MTCH2: variants seen among roughly 807,000 people sequenced by gnomAD.
MTCH2 encodes the protein mitochondrial carrier 2.
In MTCH2, 25 loss-of-function variants were observed where a neutral mutation model predicts 50.6. The observed-to-expected ratio is 0.49, with a 90% CI of 0.36 to 0.69. MTCH2 has a LOEUF of 0.69. Ranked by LOEUF, MTCH2 falls within the 30% of genes least tolerant of loss-of-function variation. MTCH2 has a pLI of 0.00. For synonymous variants in MTCH2, 106 were observed against 132.0 expected (o/e 0.80, Z 1.35); for missense variants, 273 against 384.4 (o/e 0.71, Z 2.42).
intron 5 of MTCH2, among the ~76,000 whole-genome samples, chr11:47,633,453 A>G (rs1366743686): frequency 7.1e-6 from 1 of 141,244 alleles, no homozygotes; most frequent in African/African-American, 2.6e-5. Flanking sequence ...AAATTTACAG[A>G]AAATAGAGCT....
At chr11:47,640,072 T>C (rs1177297214) in intron 1 of MTCH2, among the ~76,000 whole-genome samples, 3 of 152,010 alleles carry the variant, frequency 2.0e-5, no homozygotes, top group African/African-American at 7.2e-5. Flanking sequence ...CTCATGCATG[T>C]AATCCCAGCA....
At chr11:47,638,266 A>G (rs2097310431) in intron 3 of MTCH2, among the ~76,000 whole-genome samples, 1 of 149,564 alleles carries the variant, frequency 6.7e-6, no homozygotes. Context: ...AACAGCAACA[A>G]TTTCACTGAG....
rs1427669263 is a variant in MTCH2 at position 47,633,279 on chromosome 11, T to C, written c.369+1393A>G. On this transcript the variant is annotated intron_variant, in intron 5 of 12. Transcript: ENST00000302503. ...CGCCTGCCACCATGCCCAGCTAATT[T>C]TTTTGTATTTTTCGTAGAGACGGGG... 1.3e-4 allele frequency among the ~76,000 whole-genome samples: 19 copies of C among 148,424 alleles called. No homozygotes were observed. In the Admixed American group the frequency reaches 1.3e-3, roughly 10 times the overall value.
intron 8 of MTCH2, 86 bp from the exon 9 acceptor site, chr11:47,629,132 T>C (rs529990280): frequency 8.7e-7 from 1 of 1,149,664 alleles, no homozygotes; most frequent in African/African-American, 1.5e-5. Context: ...TGTCAAATAA[T>C]TAGAGGTCAC....
the MTCH2 span, among the ~76,000 whole-genome samples, chr11:47,604,332 A>C: frequency 6.6e-6 from 1 of 152,098 alleles, no homozygotes; most frequent in Non-Finnish European, 1.5e-5. Flanking sequence ...TTTACCTCTC[A>C]AACTGTCAAA....
chr11:47,611,758 T>C, the MTCH2 span, among the ~76,000 whole-genome samples: 1 of 152,228 alleles, frequency 6.6e-6, no homozygotes, highest in South Asian at 2.1e-4. Flanking sequence ...TATTGTGGTA[T>C]GGTACTGATC....
chr11:47,616,911 C>T (rs1275578458), downstream of MTCH2, among the ~76,000 whole-genome samples: 5 of 151,364 alleles, frequency 3.3e-5, no homozygotes, highest in Admixed American at 6.6e-5. Flanking sequence ...CTCGAATTCT[C>T]GACCTCAGGT....
chr11:47,632,439 C>T (rs1042001369), intron 5 of MTCH2, among the ~76,000 whole-genome samples: 64 of 151,688 alleles, frequency 4.2e-4, no homozygotes, highest in Non-Finnish European at 8.4e-4. Context: ...CTGCAAGCTC[C>T]GCCTCCCGGG....
chr11:47,620,343 C>T (rs1293201913), intron 12 of MTCH2, among the ~76,000 whole-genome samples: 1 of 151,842 alleles, frequency 6.6e-6, no homozygotes, highest in African/African-American at 2.4e-5. Flanking sequence ...GCGGTATGTG[C>T]CTGTAGTCCA....
In MTCH2 at chr11:47,620,563, A is replaced by AG. The variant is rs545526838; in HGVS notation, c.826-1645dup. On this transcript the variant is annotated intron_variant, in intron 12 of 12. Transcript: ENST00000302503. The stretch of plus-strand genomic sequence containing the variant: ...TAGCTACTTGGGAGGCTGAGGTAGG[A>AG]GGATTGCTTTACCCCAGGAGTTTGA... 1.9e-3 allele frequency among the ~76,000 whole-genome samples: 289 copies of AG among 152,262 alleles called. 1 individual carries two copies. Among genetic ancestry groups the AG allele is most frequent in the Middle Eastern group, 0.014 (4 of 294 alleles).
intron 5 of MTCH2, 66 bp from the exon 6 acceptor site, chr11:47,631,777 A>C: frequency 6.5e-7 from 1 of 1,533,720 alleles, no homozygotes; most frequent in Non-Finnish European, 9.0e-7. Context: ...GTGAGAAGGA[A>C]TGTGGGTGGA....
At chr11:47,627,538 C>T (rs186435392) in intron 9 of MTCH2, among the ~76,000 whole-genome samples, 13 of 152,192 alleles carry the variant, frequency 8.5e-5, no homozygotes, top group African/African-American at 1.7e-4. Context: ...CCTCCTGAGT[C>T]GCTGGAATCA....
At chr11:47,635,688 TG>T (rs1464868681) in intron 3 of MTCH2, 117 bp from the exon 4 acceptor site, 265 of 1,017,064 alleles carry the variant, frequency 2.6e-4, no homozygotes, top group South Asian at 4.8e-4. Flanking sequence ...TTAAAGTTTT[TG>T]TTTTTTTTTT....
chr11:47,628,165 G>A (rs915989539), intron 9 of MTCH2, among the ~76,000 whole-genome samples: 7 of 152,170 alleles, frequency 4.6e-5, no homozygotes, highest in African/African-American at 1.7e-4. Flanking sequence ...TGGAGCTGCC[G>A]ACATACAAGA....
At chr11:47,640,694 G>A (rs1282436956) in intron 1 of MTCH2, among the ~76,000 whole-genome samples, 1 of 152,152 alleles carries the variant, frequency 6.6e-6, no homozygotes, top group Admixed American at 6.6e-5. Flanking sequence ...GGGATTTACA[G>A]GCGTGAGCCA....
intron 2 of MTCH2, 50 bp from the exon 3 acceptor site, chr11:47,638,855 A>C (rs2097311376): frequency 1.3e-6 from 2 of 1,558,946 alleles, no homozygotes; most frequent in Non-Finnish European, 1.7e-6. Context: ...AGAGAAATGG[A>C]TATACTACAA....
intron 12 of MTCH2, 40 bp from the exon 13 acceptor site, chr11:47,618,959 C>A (rs184913099): frequency 2.0e-6 from 3 of 1,524,264 alleles, no homozygotes; most frequent in African/African-American, 1.5e-5. Flanking sequence ...TAATATCTAG[C>A]GAGATGAGAT....
intron 3 of MTCH2, 57 bp from the exon 4 acceptor site, chr11:47,635,628 A>C (rs991078912): frequency 1.3e-6 from 2 of 1,525,364 alleles, no homozygotes; most frequent in Non-Finnish European, 9.0e-7. Flanking sequence ...GTGAAAGAAG[A>C]CATAAAATGA....
In MTCH2 at chr11:47,631,230, G is replaced by T; in HGVS notation, c.428-143C>A. On this transcript the variant is annotated intron_variant, in intron 6 of 12. Coordinates refer to ENST00000302503, the MANE Select transcript of MTCH2 (RefSeq NM_014342.4). Reference sequence around the variant, plus strand: ...TCAAGACTAGCCTGACCAATATGATGAAGCCCCATCTCTACTAAAAATACA... The same window carrying T: ...TCAAGACTAGCCTGACCAATATGATTAAGCCCCATCTCTACTAAAAATACA... 4.9e-6 allele frequency: 3 copies of T among 613,580 alleles called. No individual in the cohort carries two copies. The South Asian group carries it at 6.2e-5, about 13-fold the overall frequency. 38.0% of individuals were successfully genotyped at this position (613,580 alleles called of 1,614,324 possible).
Sources: gnomAD v4.1 joint callset for allele counts (sites outside exome capture counted in the v4.1 genomes callset) on GRCh38, gnomAD v4.1.1 for gene constraint, MANE v1.5 for transcripts, NCBI Gene and HGNC (gene_info 2026-07-23, HGNC 2026-07-21) for gene names.